Variants in GRAMD1B observed in about 807,000 individuals in gnomAD.
GRAMD1B encodes protein Aster-B.
GRAMD1B carries 37 observed loss-of-function variants against 99.7 expected under a neutral mutation model. The ratio of observed to expected loss-of-function variants is 0.37; its 90% CI spans 0.29 to 0.49. The LOEUF is 0.49. Among genes scored for constraint, GRAMD1B ranks in the 20% least tolerant of loss-of-function variants. GRAMD1B has a pLI of 0.98. For synonymous variants in GRAMD1B, 427 were observed against 387.6 expected (o/e 1.10, Z -1.19); for missense variants, 888 against 1,009.2 (o/e 0.88, Z 1.63).
chr11:123,372,577 G>C lies in GRAMD1B; in HGVS notation c.-176+13778G>C, dbSNP rs541395862. Among the ~76,000 whole-genome samples the C allele has an allele frequency of 3.3e-5, 5 of 152,210 alleles. No individual in the cohort carries two copies. In the South Asian group the frequency reaches 6.2e-4, roughly 19 times the overall value. ...GCTCTCATTTAGGGGACAGCTTGTG[G>C]GGCAACATGTAAAGTATTCTGGTTC... On this transcript the variant is annotated intron_variant, in intron 1 of 20. Coordinates refer to the GRAMD1B transcript ENST00000638157.
intron 2 of GRAMD1B, among the ~76,000 whole-genome samples, chr11:123,508,692 TC>T (rs1940677487): frequency 6.6e-6 from 1 of 152,052 alleles, no homozygotes; most frequent in Admixed American, 6.6e-5. Context: ...ATCATTGCCT[TC>T]TTTTTTTTTT....
chr11:123,432,728 A>G (rs982190404), intron 1 of GRAMD1B, among the ~76,000 whole-genome samples: 1 of 152,152 alleles, frequency 6.6e-6, no homozygotes, highest in Non-Finnish European at 1.5e-5. Context: ...CAGCAGGAAA[A>G]GAATGAGGTT....
At chr11:123,382,370 A>G (rs756352060) in intron 1 of GRAMD1B, among the ~76,000 whole-genome samples, 1 of 152,108 alleles carries the variant, frequency 6.6e-6, no homozygotes, top group African/African-American at 2.4e-5. Flanking sequence ...CAAATCCAGA[A>G]CTTGTTTTTT....
intron 2 of GRAMD1B, among the ~76,000 whole-genome samples, chr11:123,513,605 C>CTCTCTTTCTTT (rs1555050188): frequency 1.9e-4 from 6 of 31,802 alleles, no homozygotes; most frequent in African/African-American, 3.8e-4. Flanking sequence ...TTCCTTCCTT[C>CTCTCTTTCTTT]CTTCCTTCCT....
chr11:123,613,867 T>C (rs761727033), intron 16 of GRAMD1B, among the ~76,000 whole-genome samples: 5 of 152,206 alleles, frequency 3.3e-5, no homozygotes, highest in Non-Finnish European at 7.3e-5. Context: ...ATATGTGTGC[T>C]CTAATTAACA....
intron 1 of GRAMD1B, among the ~76,000 whole-genome samples, chr11:123,395,656 T>C (rs2135882799): frequency 6.6e-6 from 1 of 152,306 alleles, no homozygotes; most frequent in South Asian, 2.1e-4. Flanking sequence ...AAATCGTGTT[T>C]AGAAATTCCA....
At chr11:123,600,393 G>T in intron 7 of GRAMD1B, 75 bp from the exon 8 acceptor site, 3 of 908,366 alleles carry the variant, frequency 3.3e-6, no homozygotes, top group Non-Finnish European at 5.2e-6. Context: ...TTTTCTTAAA[G>T]GATGGAGGAC....
chr11:123,497,015 A>G (rs957016527), intron 2 of GRAMD1B, among the ~76,000 whole-genome samples: 1 of 152,052 alleles, frequency 6.6e-6, no homozygotes, highest in African/African-American at 2.4e-5. Context: ...TGATGCTTGT[A>G]GATGTTCTTT....
intron 4 of GRAMD1B, among the ~76,000 whole-genome samples, chr11:123,588,700 C>G (rs1950311627): frequency 6.6e-6 from 1 of 152,150 alleles, no homozygotes; most frequent in Admixed American, 6.5e-5. Flanking sequence ...TGGCAGCAAC[C>G]AGGTACTGAC....
chr11:123,491,750 T>A (rs1938580568), intron 2 of GRAMD1B: 1 of 396,890 alleles, frequency 2.5e-6, no homozygotes, highest in Non-Finnish European at 4.4e-6. Context: ...AGTTGACAGC[T>A]GGGGTAGCTG....
intron 1 of GRAMD1B, chr11:123,435,591 C>A: frequency 1.6e-6 from 1 of 620,586 alleles, no homozygotes; most frequent in Non-Finnish European, 2.9e-6. Flanking sequence ...ACTCCAAGAC[C>A]AATCATGTTC....
chr11:123,457,850 GA>G (rs1950229842), intron 1 of GRAMD1B, among the ~76,000 whole-genome samples: 1 of 152,110 alleles, frequency 6.6e-6, no homozygotes, highest in South Asian at 2.1e-4. Flanking sequence ...GAGTAGCTGA[GA>G]CTACAGGCAT....
intron 2 of GRAMD1B, chr11:123,560,364 TAAC>T (rs1386621814): frequency 3.0e-5 from 35 of 1,174,354 alleles, no homozygotes; most frequent in Middle Eastern, 3.9e-4. Flanking sequence ...CCACACCAAA[TAAC>T]AGCAGCAGAG....
At chr11:123,482,831 G>A (rs1168587536) in intron 2 of GRAMD1B, among the ~76,000 whole-genome samples, 1 of 152,150 alleles carries the variant, frequency 6.6e-6, no homozygotes, top group Non-Finnish European at 1.5e-5. Context: ...AGCCAAGGTA[G>A]GCAGATCACT....
chr11:123,477,786 TG>T (rs66519079), intron 1 of GRAMD1B, among the ~76,000 whole-genome samples: 65,562 of 134,868 alleles, frequency 0.49, 17,251 homozygotes, highest in South Asian at 0.54. Context: ...TCTCTTTTTT[TG>T]TTTTTCAGAT....
chr11:123,603,591 C>A, intron 9 of GRAMD1B, 50 bp downstream of exon 9: 1 of 1,014,614 alleles, frequency 9.9e-7, no homozygotes, highest in Non-Finnish European at 1.6e-6. Context: ...CGAGTGCCTG[C>A]AGGAAGAACC....
chr11:123,466,692 T>C (rs929182427), intron 1 of GRAMD1B, among the ~76,000 whole-genome samples: 33 of 152,090 alleles, frequency 2.2e-4, no homozygotes, highest in Admixed American at 6.6e-5. Flanking sequence ...ATGGTGCGTG[T>C]GTGGAGAGTG....
chr11:123,577,320 C>G, intron 2 of GRAMD1B, 47 bp from the exon 3 acceptor site: 1 of 1,465,694 alleles, frequency 6.8e-7, no homozygotes, highest in Non-Finnish European at 9.4e-7. Flanking sequence ...TGCCTTTCCT[C>G]CTCCTTCTCT....
rs143495997 is a variant in GRAMD1B at position 123,604,748 on chromosome 11, G to A, written c.1167-574G>A. On this transcript the variant is annotated intron_variant, in intron 9 of 19. Transcript: ENST00000635736. ...AGGTCAGATGATGGTGATGATGATAGGCTGATGATTGCTCCCTTAGAGGAG... is the reference window on the plus strand; with the variant it reads ...AGGTCAGATGATGGTGATGATGATAAGCTGATGATTGCTCCCTTAGAGGAG... Among the ~76,000 whole-genome samples the A allele has an allele frequency of 3.0e-4, 46 of 152,328 alleles. 3 individuals are homozygous for A. The highest frequency in any genetic ancestry group is 1.0e-3 in the African/African-American group (42 of 41,578).
Sources: allele counts gnomAD v4.1 joint callset (sites outside exome capture counted in the v4.1 genomes callset), GRCh38; gene constraint gnomAD v4.1.1; transcripts MANE v1.5; gene names NCBI Gene and HGNC (gene_info 2026-07-23, HGNC 2026-07-21).